Variants in MALRD1 observed in about 807,000 individuals in gnomAD.
The protein encoded by MALRD1 is MAM and LDL receptor class A domain containing 1.
Under a neutral mutation model 242.1 loss-of-function variants are expected in MALRD1, and 247 were observed. That is an observed-to-expected ratio of 1.02 (90% CI 0.92 to 1.13). The LOEUF is 1.13. MALRD1 is among the 50% of genes most tolerant of loss of function. The pLI, the probability that MALRD1 is intolerant of heterozygous loss-of-function variation, is 0.00. For synonymous variants in MALRD1, 995 were observed against 866.6 expected (o/e 1.15, Z -2.60); for missense variants, 2,989 against 2,533.1 (o/e 1.18, Z -3.86).
chr10:19,204,087 G>C (rs796467611), intron 15 of MALRD1, among the ~76,000 whole-genome samples: 39 of 152,304 alleles, frequency 2.6e-4, no homozygotes, highest in African/African-American at 9.1e-4. Flanking sequence ...GGCTGAACTA[G>C]CTGAAATTAC....
At chr10:19,321,194 G>A (rs925568434) in intron 21 of MALRD1, among the ~76,000 whole-genome samples, 4 of 152,012 alleles carry the variant, frequency 2.6e-5, no homozygotes, top group African/African-American at 7.2e-5. Flanking sequence ...CTGCACCTCT[G>A]TTCTTCTCAT....
rs543095015 is a variant in MALRD1, at chr10:19,065,821, T to C, written c.200-898T>C. ...ACACTAAACTTTCCTCAAACACAGA[T>C]TCAATGATGAGGCGCTGTATTTAAT... On this transcript the variant is annotated intron_variant, in intron 1 of 39. Coordinates refer to ENST00000454679, the MANE Select transcript of MALRD1 (RefSeq NM_001142308.3). Among the ~76,000 whole-genome samples, 3 of 152,248 alleles carry C rather than the reference T, an allele frequency of 2.0e-5. No homozygotes were observed. The South Asian group carries it at 6.2e-4, about 32-fold the overall frequency.
chr10:19,226,727 A>G (rs1837817579), intron 18 of MALRD1, among the ~76,000 whole-genome samples: 1 of 152,094 alleles, frequency 6.6e-6, no homozygotes, highest in African/African-American at 2.4e-5. Flanking sequence ...TTGGGAAGAA[A>G]GAAAAATAAT....
Position 19,113,792 on chromosome 10 carries a change from TACACACAC to T in MALRD1, c.695-9668_695-9661del, listed in dbSNP as rs753384799. On this transcript the variant is annotated intron_variant, in intron 5 of 39. Transcript: ENST00000454679. ...CCTCCACATTGCCACTACCACCCCC[TACACACAC>T]ACACACACACACACACACACACACA... 3.0e-3 allele frequency among the ~76,000 whole-genome samples: 398 copies of T among 134,548 alleles called. 1 individual carries two copies. The highest frequency in any genetic ancestry group is 4.7e-3 in the Non-Finnish European group (296 of 63,538). 88.3% of individuals were successfully genotyped at this position (134,548 alleles called of 152,430 possible).
At chr10:19,402,852 A>T (rs2130858924) in intron 28 of MALRD1, among the ~76,000 whole-genome samples, 1 of 152,188 alleles carries the variant, frequency 6.6e-6, no homozygotes, top group East Asian at 1.9e-4. Flanking sequence ...ATTTTGACAT[A>T]ACCAAATCCT....
At chr10:19,052,641 A>T (rs557639856) in intron 1 of MALRD1, among the ~76,000 whole-genome samples, 10 of 152,018 alleles carry the variant, frequency 6.6e-5, no homozygotes, top group Non-Finnish European at 1.0e-4. Flanking sequence ...GATAGAGTAG[A>T]TGTGAAGGTT....
At chr10:19,096,090 T>G (rs778968143) in intron 4 of MALRD1, among the ~76,000 whole-genome samples, 9 of 152,196 alleles carry the variant, frequency 5.9e-5, no homozygotes, top group Non-Finnish European at 1.3e-4. Context: ...CTATGTTTTT[T>G]GATCAAGGTC....
chr10:19,668,983 A>T (rs569364182), intron 36 of MALRD1, among the ~76,000 whole-genome samples: 2 of 152,346 alleles, frequency 1.3e-5, no homozygotes, highest in East Asian at 1.9e-4. Flanking sequence ...GGAAAGATTT[A>T]TTCCAAGGCC....
chr10:19,095,531 C>T (rs1385698634), intron 4 of MALRD1, among the ~76,000 whole-genome samples: 1 of 152,136 alleles, frequency 6.6e-6, no homozygotes, highest in East Asian at 1.9e-4. Context: ...ACAATTCATT[C>T]ATTCACTTAA....
At chr10:19,428,890 A>T (rs984294884) in intron 28 of MALRD1, among the ~76,000 whole-genome samples, 27 of 149,806 alleles carry the variant, frequency 1.8e-4, no homozygotes, top group African/African-American at 5.3e-4. Flanking sequence ...GAAGCTCTTT[A>T]AAAAAATTGT....
intron 35 of MALRD1, 126 bp from the exon 36 acceptor site, chr10:19,615,731 T>A: frequency 1.3e-6 from 1 of 777,200 alleles, no homozygotes; most frequent in South Asian, 2.1e-5. Flanking sequence ...ATTCTTTTGC[T>A]TTTTGCAACT....
chr10:19,202,212 G>GAA (rs745430346), intron 14 of MALRD1, among the ~76,000 whole-genome samples: 9,931 of 150,572 alleles, frequency 0.066, 428 homozygotes, highest in Middle Eastern at 0.11. Flanking sequence ...CATATTAAGT[G>GAA]TAGATGTGAC....
chr10:19,368,982 A>C (rs1427214046), intron 26 of MALRD1, among the ~76,000 whole-genome samples: 1 of 148,708 alleles, frequency 6.7e-6, no homozygotes, highest in African/African-American at 2.5e-5. Flanking sequence ...TGATACTTGC[A>C]TCAAGTATAT....
At chr10:19,050,705 G>T (rs935239790) in intron 1 of MALRD1, among the ~76,000 whole-genome samples, 1 of 152,170 alleles carries the variant, frequency 6.6e-6, no homozygotes, top group African/African-American at 2.4e-5. Context: ...CTAACTGTGG[G>T]CTTGTTGCAC....
intron 28 of MALRD1, among the ~76,000 whole-genome samples, chr10:19,391,416 C>T (rs1846331104): frequency 6.6e-6 from 1 of 152,162 alleles, no homozygotes; most frequent in Non-Finnish European, 1.5e-5. Flanking sequence ...TGGCTGTCTC[C>T]ATGTGGAATC....
At chr10:19,335,454 T>G (rs891963689) in intron 24 of MALRD1, among the ~76,000 whole-genome samples, 4 of 152,118 alleles carry the variant, frequency 2.6e-5, no homozygotes, top group African/African-American at 9.7e-5. Flanking sequence ...GTTTTAGTTA[T>G]AAAGTGGCTG....
At chr10:19,448,143 T>C (rs138504422) in intron 28 of MALRD1, among the ~76,000 whole-genome samples, 1 of 152,182 alleles carries the variant, frequency 6.6e-6, no homozygotes, top group Non-Finnish European at 1.5e-5. Context: ...CACGAAGTTA[T>C]GAATGTCCAG....
chr10:19,448,700 A>C (rs1835141487), intron 28 of MALRD1, among the ~76,000 whole-genome samples: 1 of 152,106 alleles, frequency 6.6e-6, no homozygotes. Context: ...TCAGCTATCC[A>C]TGTTTACATA....
rs79420334 is a variant in MALRD1 at position 19,625,132 on chromosome 10, A to G, written c.6137+9209A>G. Among the ~76,000 whole-genome samples the G allele has an allele frequency of 2.4e-3, 358 of 152,168 alleles. 2 individuals carry two copies. The highest frequency in any genetic ancestry group is 8.3e-3 in the African/African-American group (345 of 41,524). ...TTCCCAGAGACAAAAAATAAAACAG[A>G]GCTAGAGTCCAGATTCAAACCTAGT... On this transcript the variant is annotated intron_variant, in intron 36 of 39. Coordinates refer to ENST00000454679, the MANE Select transcript of MALRD1 (RefSeq NM_001142308.3).
Sources: allele counts gnomAD v4.1 joint callset (sites outside exome capture counted in the v4.1 genomes callset), GRCh38; gene constraint gnomAD v4.1.1; transcripts MANE v1.5; gene names NCBI Gene and HGNC (gene_info 2026-07-23, HGNC 2026-07-21).